Variants in SEC24B observed in about 807,000 individuals in gnomAD.
SEC24B encodes the protein protein transport protein Sec24B.
A neutral mutation model predicts 142.8 loss-of-function variants in SEC24B; 45 were observed. That is an observed-to-expected ratio of 0.32 (90% CI 0.25 to 0.40). SEC24B has a LOEUF of 0.40. Among genes scored for constraint, SEC24B ranks in the 10% least tolerant of loss-of-function variants. The pLI, the probability that SEC24B is intolerant of heterozygous loss-of-function variation, is 1.00. For missense variants in SEC24B, 1,409 were observed against 1,526.8 expected (o/e 0.92, Z 1.29); for synonymous variants, 574 against 568.2 (o/e 1.01, Z -0.15).
rs918204020 is a variant in SEC24B, at chr4:109,513,173, C to T, written c.1904-574C>T. On this transcript the variant is annotated intron_variant, in intron 9 of 23. Coordinates refer to ENST00000265175, the MANE Select transcript of SEC24B (RefSeq NM_006323.5). ...TATTTTTAGTAGAGATGGGGTTTTACCATATTGGCCAGGCTGGTCTCGAAC... is the reference window on the plus strand; with the variant it reads ...TATTTTTAGTAGAGATGGGGTTTTATCATATTGGCCAGGCTGGTCTCGAAC... Among the ~76,000 whole-genome samples the T allele has an allele frequency of 3.3e-5, 5 of 151,442 alleles. No homozygotes were observed. The East Asian group carries it at 7.8e-4, about 23-fold the overall frequency.
At chr4:109,478,328 C>G (rs996900576) in intron 3 of SEC24B, among the ~76,000 whole-genome samples, 7 of 151,454 alleles carry the variant, frequency 4.6e-5, no homozygotes, top group Non-Finnish European at 8.8e-5. Context: ...ATTAGCAGGA[C>G]TGAGTGTTGG....
At chr4:109,496,572 A>G (rs1054058529) in intron 6 of SEC24B, among the ~76,000 whole-genome samples, 1 of 152,206 alleles carries the variant, frequency 6.6e-6, no homozygotes, top group Non-Finnish European at 1.5e-5. Context: ...GCTACTCAAG[A>G]CTAAAGTAGA....
intron 2 of SEC24B, among the ~76,000 whole-genome samples, chr4:109,472,432 G>A (rs944532260): frequency 6.6e-6 from 1 of 152,126 alleles, no homozygotes; most frequent in African/African-American, 2.4e-5. Flanking sequence ...GTTCAACCTC[G>A]TATTATGGTT....
chr4:109,487,676 G>A (rs537047837), intron 4 of SEC24B, among the ~76,000 whole-genome samples: 8 of 152,286 alleles, frequency 5.3e-5, no homozygotes, highest in African/African-American at 1.7e-4. Flanking sequence ...TACTTAGAAC[G>A]CATTAATCTA....
chr4:109,490,020 T>G (rs2126000732), intron 4 of SEC24B, among the ~76,000 whole-genome samples: 1 of 152,192 alleles, frequency 6.6e-6, no homozygotes. Flanking sequence ...TATTAGTGTC[T>G]TCTACCTATT....
At chr4:109,446,105 A>G (rs1041357050) in intron 1 of SEC24B, among the ~76,000 whole-genome samples, 8 of 152,018 alleles carry the variant, frequency 5.3e-5, no homozygotes, top group Admixed American at 2.0e-4. Context: ...CTGATGTGGT[A>G]GGCTGAATAA....
intron 8 of SEC24B, among the ~76,000 whole-genome samples, chr4:109,510,908 T>G (rs1315593411): frequency 6.6e-6 from 1 of 152,076 alleles, no homozygotes. Context: ...CGTTGGAAGC[T>G]GGAGATACAA....
At chr4:109,521,212 T>C in intron 13 of SEC24B, 40 bp downstream of exon 13, 1 of 1,238,724 alleles carries the variant, frequency 8.1e-7, no homozygotes, top group Non-Finnish European at 1.2e-6. Flanking sequence ...AAAATATTTA[T>C]ATTGTGACTG....
chr4:109,453,824 C>T (rs1388388849), intron 1 of SEC24B, among the ~76,000 whole-genome samples: 1 of 152,160 alleles, frequency 6.6e-6, no homozygotes, highest in Non-Finnish European at 1.5e-5. Context: ...TTATATTCTT[C>T]TGTCACGGCT....
chr4:109,525,064 A>G lies in SEC24B; in HGVS notation c.2632+123A>G, dbSNP rs117698989. 6.7e-3 allele frequency: 5,885 copies of G among 873,862 alleles called. 244 individuals are homozygous for G. In the South Asian group the frequency reaches 0.074, roughly 11 times the overall value. The allele number at this position is 873,862 out of a possible 1,614,324, so 54.1% of individuals were successfully genotyped here. ...GAAAAGCATGTGCATTAGATAGACA[A>G]TATCTATGAAAACTACCAGTAAAGT... is the stretch of plus-strand genomic sequence containing the variant. On this transcript the variant is annotated intron_variant, in intron 15 of 23. Transcript: ENST00000265175.
At chr4:109,489,433 T>C (rs527699452) in intron 4 of SEC24B, among the ~76,000 whole-genome samples, 32 of 148,872 alleles carry the variant, frequency 2.1e-4, no homozygotes, top group African/African-American at 7.0e-4. Flanking sequence ...TTAAATTGTA[T>C]AATTCAGTGG....
At chr4:109,524,711 A>G (rs1314058974) in intron 14 of SEC24B, 107 bp from the exon 15 acceptor site, 1 of 942,428 alleles carries the variant, frequency 1.1e-6, no homozygotes, top group East Asian at 2.6e-5. Flanking sequence ...CATTTAGAAA[A>G]CTCTTAGTTT....
intron 6 of SEC24B, among the ~76,000 whole-genome samples, chr4:109,496,412 G>A (rs995357773): frequency 9.2e-5 from 14 of 152,130 alleles, no homozygotes; most frequent in African/African-American, 2.4e-4. Flanking sequence ...ACTGCTCCTG[G>A]CCAGGAAACA....
intron 2 of SEC24B, among the ~76,000 whole-genome samples, chr4:109,470,848 A>G (rs1732445039): frequency 6.6e-6 from 1 of 152,222 alleles, no homozygotes; most frequent in African/African-American, 2.4e-5. Flanking sequence ...TACCTGCAGT[A>G]TGTTATTGTT....
chr4:109,462,626 G>A (rs1731381693), intron 1 of SEC24B, among the ~76,000 whole-genome samples: 1 of 152,164 alleles, frequency 6.6e-6, no homozygotes, highest in African/African-American at 2.4e-5. Flanking sequence ...TAACATGGAA[G>A]TGACATATCA....
intron 11 of SEC24B, 48 bp downstream of exon 11, chr4:109,516,688 A>C: frequency 9.6e-7 from 1 of 1,041,428 alleles, no homozygotes; most frequent in South Asian, 1.5e-5. Flanking sequence ...TGTTATATAT[A>C]TAAATGTGTA....
chr4:109,537,199 T>C (rs1021430798), intron 22 of SEC24B, among the ~76,000 whole-genome samples: 3 of 152,204 alleles, frequency 2.0e-5, no homozygotes, highest in Admixed American at 6.5e-5. Context: ...TAATTTAGCA[T>C]TTCTTTCATT....
chr4:109,539,865 A>G lies in SEC24B; in HGVS notation c.*190A>G. On this transcript the variant is annotated 3_prime_UTR_variant, in exon 24 of 24. Transcript: ENST00000265175. ...GACAGATCTTTTTCAACTCAAATTA[A>G]TGGTAACGATGATGCTGTTTCACCA... is the stretch of plus-strand genomic sequence containing the variant. 5.3e-6 allele frequency: 3 copies of G among 563,420 alleles called. No individual in the cohort carries two copies. The highest frequency in any genetic ancestry group is 3.0e-5 in the East Asian group (1 of 33,298). 34.9% of individuals were successfully genotyped at this position (563,420 alleles called of 1,614,324 possible). A position where few individuals can be genotyped will look rare whatever the true frequency, so the allele number is the denominator to read the frequency against.
intron 2 of SEC24B, among the ~76,000 whole-genome samples, chr4:109,469,677 A>G (rs112761722): frequency 0.011 from 1,722 of 152,334 alleles, 28 homozygotes; most frequent in African/African-American, 0.039. Flanking sequence ...TAAATGCAAA[A>G]AGGCAAAACT....
Sources: gnomAD v4.1 joint callset for allele counts (sites outside exome capture counted in the v4.1 genomes callset) on GRCh38, gnomAD v4.1.1 for gene constraint, MANE v1.5 for transcripts, NCBI Gene and HGNC (gene_info 2026-07-23, HGNC 2026-07-21) for gene names.